RAB3C: variants seen among roughly 807,000 people sequenced by gnomAD.
RAB3C encodes RAB3C, member RAS oncogene family, also known as ras-related protein Rab-3C.
A neutral mutation model predicts 26.4 loss-of-function variants in RAB3C; 17 were observed. That is an observed-to-expected ratio of 0.64 (90% CI 0.44 to 0.97). The LOEUF is 0.97. RAB3C is among the 50% of genes least tolerant of loss of function. The pLI, the probability that RAB3C is intolerant of heterozygous loss-of-function variation, is 0.00. For synonymous variants in RAB3C, 91 were observed against 95.9 expected (o/e 0.95, Z 0.30); for missense variants, 242 against 281.9 (o/e 0.86, Z 1.01).
chr5:58,770,361 G>A (rs903447894), intron 3 of RAB3C, among the ~76,000 whole-genome samples: 15 of 152,116 alleles, frequency 9.9e-5, no homozygotes, highest in Admixed American at 9.2e-4. Flanking sequence ...AAAATGCAAC[G>A]GGGAAATATG....
At chr5:58,801,920 C>G (rs1046067725) in intron 3 of RAB3C, among the ~76,000 whole-genome samples, 26 of 152,330 alleles carry the variant, frequency 1.7e-4, no homozygotes, top group Non-Finnish European at 3.7e-4. Flanking sequence ...GCCACAACAA[C>G]AAGAACAAAA....
At chr5:58,816,470 CAG>C (rs1236986648) in intron 3 of RAB3C, among the ~76,000 whole-genome samples, 1 of 152,130 alleles carries the variant, frequency 6.6e-6, no homozygotes, top group East Asian at 1.9e-4. Flanking sequence ...CCTTCCCTGA[CAG>C]GGGGAGTGAC....
At chr5:58,679,289 C>G (rs984825685) in intron 2 of RAB3C, among the ~76,000 whole-genome samples, 5 of 152,212 alleles carry the variant, frequency 3.3e-5, no homozygotes, top group African/African-American at 1.2e-4. Flanking sequence ...TCAGTAGATT[C>G]CTTGATCTCT....
At chr5:58,700,035 A>G (rs958937940) in intron 2 of RAB3C, among the ~76,000 whole-genome samples, 22 of 152,098 alleles carry the variant, frequency 1.4e-4, no homozygotes, top group Admixed American at 3.9e-4. Context: ...GAAATCACCC[A>G]TCTTCTCTGT....
At chr5:58,612,546 A>ATG (rs1327325910) in intron 1 of RAB3C, among the ~76,000 whole-genome samples, 2 of 53,464 alleles carry the variant, frequency 3.7e-5, no homozygotes, top group African/African-American at 1.5e-4. Context: ...ATATATATAT[A>ATG]TGTATATATA....
chr5:58,843,266 C>T (rs1487580668), intron 4 of RAB3C, among the ~76,000 whole-genome samples: 2 of 152,152 alleles, frequency 1.3e-5, no homozygotes, highest in African/African-American at 2.4e-5. Context: ...AAATGTATTA[C>T]ACTATTTGCT....
intron 3 of RAB3C, chr5:58,823,642 C>A: frequency 4.8e-6 from 1 of 209,056 alleles, no homozygotes. Flanking sequence ...ATGTCCCATG[C>A]CCAGAAGAAA....
At chr5:58,601,228 T>G (rs1348093973) in intron 1 of RAB3C, among the ~76,000 whole-genome samples, 3 of 152,214 alleles carry the variant, frequency 2.0e-5, no homozygotes, top group South Asian at 2.1e-4. Context: ...TTTTAATATG[T>G]TGTTGGATTC....
At chr5:58,648,886 T>C (rs940239288) in intron 2 of RAB3C, among the ~76,000 whole-genome samples, 1 of 152,166 alleles carries the variant, frequency 6.6e-6, no homozygotes, top group Non-Finnish European at 1.5e-5. Context: ...CCATGGGGCT[T>C]CTGTCTTATG....
At chr5:58,623,638 CTCCT>C (rs1746980245) in intron 2 of RAB3C, among the ~76,000 whole-genome samples, 1 of 152,234 alleles carries the variant, frequency 6.6e-6, no homozygotes, top group Non-Finnish European at 1.5e-5. Context: ...AACGCAGGAG[CTCCT>C]ACATCCCACT....
intron 2 of RAB3C, among the ~76,000 whole-genome samples, chr5:58,697,591 A>G (rs1299103677): frequency 6.6e-6 from 1 of 152,174 alleles, no homozygotes; most frequent in African/African-American, 2.4e-5. Context: ...GACTTGCTTT[A>G]TGAATCTGGG....
chr5:58,777,748 C>A (rs565454024), intron 3 of RAB3C, among the ~76,000 whole-genome samples: 1 of 147,342 alleles, frequency 6.8e-6, no homozygotes, highest in Non-Finnish European at 1.5e-5. Context: ...TTCTCCCCTC[C>A]CCCCACCCCA....
At chr5:58,739,879 T>C (rs1741239631) in intron 3 of RAB3C, among the ~76,000 whole-genome samples, 1 of 152,258 alleles carries the variant, frequency 6.6e-6, no homozygotes, top group Non-Finnish European at 1.5e-5. Flanking sequence ...ATGATTCTTT[T>C]TTGTACTTTT....
intron 2 of RAB3C, among the ~76,000 whole-genome samples, chr5:58,688,811 A>T (rs1748501024): frequency 6.6e-6 from 1 of 152,174 alleles, no homozygotes; most frequent in South Asian, 2.1e-4. Context: ...TACTTAGAAA[A>T]TCAGTAGAAA....
At position 58,624,519 on chromosome 5, in the gene RAB3C, G is replaced by A. The variant is rs192512135; in HGVS notation, c.252+6649G>A. 4.6e-5 allele frequency among the ~76,000 whole-genome samples: 7 copies of A among 152,296 alleles called. No individual in the cohort carries two copies. The East Asian group carries it at 1.4e-3, about 29-fold the overall frequency. On this transcript the variant is annotated intron_variant, in intron 2 of 4. Transcript: ENST00000282878. ...TACACAATGTCTTTCTTATGAATAA[G>A]TGACAGAAAGCAGGTGACCATACAA...
intron 2 of RAB3C, among the ~76,000 whole-genome samples, chr5:58,630,395 A>G (rs1345284149): frequency 6.6e-6 from 1 of 152,232 alleles, no homozygotes; most frequent in East Asian, 1.9e-4. Context: ...AATGTATTAT[A>G]AATTAAAATG....
chr5:58,735,548 A>G (rs1358895735), intron 3 of RAB3C, among the ~76,000 whole-genome samples: 1 of 152,226 alleles, frequency 6.6e-6, no homozygotes, highest in Non-Finnish European at 1.5e-5. Context: ...ACTATGTCAC[A>G]GTTCTGAAGG....
chr5:58,702,392 A>T (rs1440660618), intron 2 of RAB3C, among the ~76,000 whole-genome samples: 1 of 152,078 alleles, frequency 6.6e-6, no homozygotes. Context: ...CATGCACTTT[A>T]GGCTATTCTT....
At chr5:58,775,954 C>A (rs1488561241) in intron 3 of RAB3C, among the ~76,000 whole-genome samples, 1 of 152,068 alleles carries the variant, frequency 6.6e-6, no homozygotes, top group Non-Finnish European at 1.5e-5. Context: ...TTTTTGAGTT[C>A]CTGTTGCCTG....
Sources: allele counts gnomAD v4.1 joint callset (sites outside exome capture counted in the v4.1 genomes callset), GRCh38; gene constraint gnomAD v4.1.1; transcripts MANE v1.5; gene names NCBI Gene and HGNC (gene_info 2026-07-23, HGNC 2026-07-21).